Variants in LCOR observed in about 807,000 individuals in gnomAD.
The protein encoded by LCOR is ligand dependent nuclear receptor corepressor.
Under a neutral mutation model 64.4 loss-of-function variants are expected in LCOR, and 14 were observed. The observed-to-expected ratio is 0.22, with a 90% CI of 0.14 to 0.34. LCOR has a LOEUF of 0.34. Among genes scored for constraint, LCOR ranks in the 10% least tolerant of loss-of-function variants. The pLI is 1.00. For missense variants in LCOR, 1,686 were observed against 1,765.3 expected, an observed-to-expected ratio of 0.96 and a Z score of 0.80; for synonymous variants, 643 against 642.5, an observed-to-expected ratio of 1.00 and a Z score of -0.01.
At chr10:96,900,524 G>GA (rs576323078) in intron 2 of LCOR, among the ~76,000 whole-genome samples, 2 of 150,932 alleles carry the variant, frequency 1.3e-5, no homozygotes, top group African/African-American at 4.9e-5. Context: ...GTTTTTAAAA[G>GA]AAAAAAACTA....
intron 2 of LCOR, among the ~76,000 whole-genome samples, chr10:96,883,013 CT>C (rs1748149594): frequency 6.6e-6 from 1 of 152,094 alleles, no homozygotes; most frequent in African/African-American, 2.4e-5. Flanking sequence ...AATAAAGCCA[CT>C]ATAAAATTTG....
chr10:96,938,320 C>T (rs75698679), intron 4 of LCOR, among the ~76,000 whole-genome samples: 4,435 of 152,140 alleles, frequency 0.029, 109 homozygotes, highest in Non-Finnish European at 0.046. Flanking sequence ...TGATCATCTC[C>T]GTAGACACCC....
chr10:96,928,265 A>G (rs1847200946), intron 4 of LCOR, among the ~76,000 whole-genome samples: 2 of 152,348 alleles, frequency 1.3e-5, no homozygotes, highest in South Asian at 2.1e-4. Flanking sequence ...CTCAAACCCC[A>G]TTGCTGCTGT....
chr10:96,907,745 A>G lies in LCOR; in HGVS notation c.-186A>G. On this transcript the variant is annotated splice_region_variant and 5_prime_UTR_variant, in exon 4 of 8. Transcript: ENST00000421806. The stretch of plus-strand genomic sequence containing the variant: ...CTGTTGCTTGAGAAGAGATAAAGTA[A>G]AGGTAACTAAGAAGCCTGTGAAACT... 3 of 960,338 alleles carry G rather than the reference A, an allele frequency of 3.1e-6. No homozygotes were observed. The highest frequency in any genetic ancestry group is 3.7e-6 in the Non-Finnish European group (3 of 806,610). The allele number at this position is 960,338 out of a possible 1,614,324, so 59.5% of individuals were successfully genotyped here. A position where few individuals can be genotyped will look rare whatever the true frequency, so the allele number is the denominator to read the frequency against.
chr10:96,838,266 ACTGT>A (rs1417732349), intron 2 of LCOR, among the ~76,000 whole-genome samples: 2 of 152,118 alleles, frequency 1.3e-5, no homozygotes, highest in African/African-American at 2.4e-5. Context: ...ATATATCATC[ACTGT>A]CTAATTCCAG....
intron 2 of LCOR, among the ~76,000 whole-genome samples, chr10:96,885,577 T>A (rs1277622930): frequency 7.3e-6 from 1 of 137,022 alleles, no homozygotes; most frequent in Non-Finnish European, 1.5e-5. Context: ...TTTTTTTTTT[T>A]AGTAGAGTCA....
At chr10:96,835,186 G>A (rs867887846) in intron 2 of LCOR, among the ~76,000 whole-genome samples, 1 of 150,956 alleles carries the variant, frequency 6.6e-6, no homozygotes, top group African/African-American at 2.5e-5. Flanking sequence ...AGGCGTGAGA[G>A]CCACTGTGCC....
Position 96,949,171 on chromosome 10 carries a change from A to G in LCOR, c.114A>G (p.Pro38=). ...ACCAAAGCCTGCCGAAAGCATCTCC[A>G]GTCACCACCTCTCCCACGGCTGCAA... ...TKNQSLPKAS[P]VTTSPTAATT... Residue 38 remains proline (P), a synonymous_variant, in exon 6 of 8, where the codon CCA becomes CCG. Coordinates refer to ENST00000421806, the MANE Select transcript of LCOR (RefSeq NM_001346516.2). The G allele has an allele frequency of 1.2e-6, 2 of 1,614,100 alleles. No individual in the cohort carries two copies. Among genetic ancestry groups the G allele is most frequent in the East Asian group, 2.2e-5 (1 of 44,880 alleles).
chr10:96,941,147 C>A (rs1189942144), intron 4 of LCOR, among the ~76,000 whole-genome samples: 14 of 129,888 alleles, frequency 1.1e-4, no homozygotes, highest in African/African-American at 2.9e-4. Context: ...CGGGCAGAGG[C>A]GCCCCTCACC....
At chr10:96,931,565 T>A (rs1242069206) in intron 4 of LCOR, among the ~76,000 whole-genome samples, 1 of 152,098 alleles carries the variant, frequency 6.6e-6, no homozygotes, top group Non-Finnish European at 1.5e-5. Context: ...TCTTTTTCTT[T>A]CTGCTTCTCC....
rs548496481 is a variant in LCOR, at chr10:96,981,039, G to A, written c.579G>A (p.Leu193=). The A allele has an allele frequency of 1.3e-4, 90 of 703,028 alleles. 1 individual carries two copies. In the South Asian group the frequency reaches 1.3e-3, roughly 10 times the overall value. 43.5% of individuals were successfully genotyped at this position (703,028 alleles called of 1,614,324 possible). A position where few individuals can be genotyped will look rare whatever the true frequency, so the allele number is the denominator to read the frequency against. The change falls in exon 8 of 8, where the codon CTG becomes CTA. Residue 193 remains leucine (L), a synonymous_variant. Coordinates refer to ENST00000421806, the MANE Select transcript of LCOR (RefSeq NM_001346516.2). ...CCAAACATAAGGAAAAAGATGCTCT[G>A]TGTCTCGATATGAAGTCTTCTGCTT... ...LSTKHKEKDA[L]CLDMKSSASV...
intron 2 of LCOR, among the ~76,000 whole-genome samples, chr10:96,886,882 A>G (rs549778058): frequency 1.3e-5 from 2 of 152,316 alleles, no homozygotes; most frequent in South Asian, 4.1e-4. Flanking sequence ...TTTACTCAGC[A>G]AATTGGGACC....
chr10:96,891,458 T>A (rs1420931285), intron 2 of LCOR, among the ~76,000 whole-genome samples: 2 of 148,698 alleles, frequency 1.3e-5, no homozygotes, highest in Non-Finnish European at 3.0e-5. Context: ...AATTTTGGGT[T>A]CATTGATACT....
chr10:96,982,385 G>A lies in LCOR; in HGVS notation c.1925G>A (p.Ser642Asn). The A allele has an allele frequency of 2.5e-6, 4 of 1,614,216 alleles. No individual in the cohort carries two copies. The highest frequency in any genetic ancestry group is 3.4e-6 in the Non-Finnish European group (4 of 1,180,040). The change falls in exon 8 of 8, where the codon AGT (serine) becomes AAT (asparagine). Residue 642 changes from serine to asparagine, a missense_variant. By Grantham distance (46) the Ser-to-Asn change is conservative. Transcript: ENST00000421806. ...GGSTVSAPTA[S>N]GMSSPEHNQP... is the part of the protein sequence containing the mutation. ...TCCACAGTCTCAGCTCCCACAGCAA[G>A]TGGGATGTCTTCTCCTGAACACAAC...
chr10:96,985,224 GC>G lies in LCOR; in HGVS notation c.*92del. 1 of 1,429,458 alleles carries G rather than the reference GC, an allele frequency of 7.0e-7. No homozygotes were observed. The highest frequency in any genetic ancestry group is 1.4e-5 in the African/African-American group (1 of 69,996). 88.5% of individuals were successfully genotyped at this position (1,429,458 alleles called of 1,614,324 possible). On this transcript the variant is annotated 3_prime_UTR_variant, in exon 8 of 8. Transcript: ENST00000421806. ...AAATCTGCTTTTATAAGCTTATCAA[GC>G]CTTTCAAATTTACAGTTAATGGAGA...
chr10:96,935,573 G>T (rs778578475), intron 4 of LCOR, among the ~76,000 whole-genome samples: 1 of 152,144 alleles, frequency 6.6e-6, no homozygotes, highest in Non-Finnish European at 1.5e-5. Context: ...GGTGGCTCTC[G>T]CCTGTAATCC....
chr10:96,872,436 T>C (rs558708464), intron 2 of LCOR, among the ~76,000 whole-genome samples: 2 of 152,328 alleles, frequency 1.3e-5, no homozygotes, highest in African/African-American at 4.8e-5. Flanking sequence ...CTCACACCTG[T>C]AGTCCTGGCG....
Position 96,899,632 on chromosome 10 carries a change from AAATTT to A in LCOR, c.-329-7631_-329-7627del, listed in dbSNP as rs766817332. On this transcript the variant is annotated intron_variant, in intron 2 of 7. Transcript: ENST00000421806. ...ACATTTAAATCTGTAAGTATAAATTAAATTTATTTTCTCTGTAAATATTGATTAAT... is the reference window on the plus strand; with the variant it reads ...ACATTTAAATCTGTAAGTATAAATTAATTTTCTCTGTAAATATTGATTAAT... Among the ~76,000 whole-genome samples the A allele has an allele frequency of 1.6e-3, 248 of 152,272 alleles. 5 individuals are homozygous for A. The highest frequency in any genetic ancestry group is 1.3e-3 in the East Asian group (7 of 5,196).
chr10:96,842,596 A>G lies in LCOR; in HGVS notation c.-330+9117A>G, dbSNP rs556832430. ...TTTAGAATGATCAGTTGATACAAAA[A>G]TTTTCTAAAAAGCTTGCTTTTTTTT... On this transcript the variant is annotated intron_variant, in intron 2 of 7. Coordinates refer to ENST00000421806, the MANE Select transcript of LCOR (RefSeq NM_001346516.2). Among the ~76,000 whole-genome samples the G allele has an allele frequency of 5.2e-4, 76 of 147,110 alleles. 1 individual carries two copies. The highest frequency in any genetic ancestry group is 1.1e-3 in the African/African-American group (44 of 39,936).
Sources: allele counts gnomAD v4.1 joint callset (sites outside exome capture counted in the v4.1 genomes callset), GRCh38; gene constraint gnomAD v4.1.1; transcripts MANE v1.5; gene names NCBI Gene and HGNC (gene_info 2026-07-23, HGNC 2026-07-21).